R3HDM2: variants seen among roughly 807,000 people sequenced by gnomAD.
The protein encoded by R3HDM2 is R3H domain-containing protein 2.
A neutral mutation model predicts 124.5 loss-of-function variants in R3HDM2; 38 were observed. The observed-to-expected ratio is 0.31, with a 90% CI of 0.24 to 0.40. R3HDM2 has a LOEUF of 0.40. Among genes scored for constraint, R3HDM2 ranks in the 10% least tolerant of loss-of-function variants. The pLI, the probability that R3HDM2 is intolerant of heterozygous loss-of-function variation, is 1.00. For synonymous variants in R3HDM2, 391 were observed against 448.0 expected (o/e 0.87, Z 1.61); for missense variants, 869 against 1,236.9 (o/e 0.70, Z 4.46).
chr12:57,349,379 C>CAGAAAA (rs2060431958), intron 2 of R3HDM2, among the ~76,000 whole-genome samples: 1 of 57,776 alleles, frequency 1.7e-5, no homozygotes, highest in Non-Finnish European at 2.8e-5. Flanking sequence ...ACTCCGTCTC[C>CAGAAAA]AAAAAAAAAA....
chr12:57,390,279 A>T (rs2066467030), intron 2 of R3HDM2, among the ~76,000 whole-genome samples: 1 of 152,216 alleles, frequency 6.6e-6, no homozygotes, highest in Admixed American at 6.5e-5. Flanking sequence ...GGAGATGGGA[A>T]ACAAGTGAGG....
At chr12:57,325,024 C>A (rs972383642) in intron 2 of R3HDM2, among the ~76,000 whole-genome samples, 1 of 152,208 alleles carries the variant, frequency 6.6e-6, no homozygotes, top group Admixed American at 6.5e-5. Flanking sequence ...GAGAAGGTGA[C>A]CATCTGGAAG....
intron 2 of R3HDM2, among the ~76,000 whole-genome samples, chr12:57,387,711 C>T (rs1466072118): frequency 1.3e-5 from 2 of 152,036 alleles, no homozygotes; most frequent in African/African-American, 2.4e-5. Context: ...AATATGAATA[C>T]TGAAGAAGAA....
chr12:57,361,454 G>A (rs2061959676), intron 2 of R3HDM2, among the ~76,000 whole-genome samples: 1 of 151,650 alleles, frequency 6.6e-6, no homozygotes, highest in Middle Eastern at 3.4e-3. Flanking sequence ...GGGAAACTGA[G>A]GCAGGAGGAT....
At chr12:57,299,729 G>C (rs988811124) in intron 5 of R3HDM2, among the ~76,000 whole-genome samples, 1 of 152,192 alleles carries the variant, frequency 6.6e-6, no homozygotes, top group African/African-American at 2.4e-5. Flanking sequence ...TATTGAATGG[G>C]AATGGTTCTA....
At chr12:57,269,278 C>T in intron 16 of R3HDM2, 45 bp downstream of exon 16, 1 of 1,608,034 alleles carries the variant, frequency 6.2e-7, no homozygotes, top group Non-Finnish European at 8.5e-7. Flanking sequence ...TCCTGGTGTG[C>T]CCTTCCCTTA....
intron 1 of R3HDM2, among the ~76,000 whole-genome samples, chr12:57,415,064 C>T (rs928840212): frequency 1.8e-4 from 28 of 151,852 alleles, no homozygotes; most frequent in African/African-American, 6.5e-4. Context: ...TCCCTCAAGC[C>T]CCTTCGAATC....
chr12:57,418,822 C>T (rs1230800177), intron 1 of R3HDM2, among the ~76,000 whole-genome samples: 1 of 152,192 alleles, frequency 6.6e-6, no homozygotes, highest in Non-Finnish European at 1.5e-5. Flanking sequence ...CTTAACCTCC[C>T]AAAGTCCTGG....
At chr12:57,393,837 T>A (rs989216900) in intron 2 of R3HDM2, among the ~76,000 whole-genome samples, 3 of 152,146 alleles carry the variant, frequency 2.0e-5, no homozygotes, top group Non-Finnish European at 4.4e-5. Flanking sequence ...ACACAAGAGA[T>A]CCTTGAGATA....
chr12:57,405,967 G>A (rs1344086084), intron 1 of R3HDM2, among the ~76,000 whole-genome samples: 1 of 152,052 alleles, frequency 6.6e-6, no homozygotes, highest in Non-Finnish European at 1.5e-5. Context: ...AAAGGACATA[G>A]GAGCCAACTT....
intron 2 of R3HDM2, among the ~76,000 whole-genome samples, chr12:57,391,899 A>G (rs565063598): frequency 1.9e-4 from 29 of 152,328 alleles, no homozygotes; most frequent in African/African-American, 7.0e-4. Context: ...CAGTGGCTCA[A>G]GCCTGTAATC....
chr12:57,370,400 G>GGA (rs1336931810), intron 2 of R3HDM2, among the ~76,000 whole-genome samples: 23 of 115,622 alleles, frequency 2.0e-4, no homozygotes, highest in African/African-American at 6.1e-4. Flanking sequence ...GGAGGCCCGG[G>GGA]GGGGGGGGGC....
chr12:57,342,158 C>T (rs2059629280), intron 2 of R3HDM2, among the ~76,000 whole-genome samples: 1 of 152,054 alleles, frequency 6.6e-6, no homozygotes, highest in Non-Finnish European at 1.5e-5. Context: ...AGAAAATTAT[C>T]CAAAACTCAC....
intron 1 of R3HDM2, among the ~76,000 whole-genome samples, chr12:57,417,181 A>G (rs1298040779): frequency 6.6e-6 from 1 of 151,988 alleles, no homozygotes; most frequent in Admixed American, 6.6e-5. Flanking sequence ...AGGTGGGTGG[A>G]TCACCTTAGG....
At chr12:57,339,022 G>A (rs530341555) in intron 2 of R3HDM2, among the ~76,000 whole-genome samples, 2 of 152,180 alleles carry the variant, frequency 1.3e-5, no homozygotes, top group South Asian at 4.1e-4. Flanking sequence ...TTTTACAAAT[G>A]TGTGTGCATG....
Position 57,269,016 on chromosome 12 carries a change from G to A in R3HDM2, c.1781C>T (p.Pro594Leu), listed in dbSNP as rs2043049521. 3.7e-6 allele frequency: 6 copies of A among 1,614,074 alleles called. No homozygotes were observed. Among genetic ancestry groups the A allele is most frequent in the Non-Finnish European group, 5.1e-6 (6 of 1,180,050 alleles). The part of the protein sequence containing the change: ...AYQGMIGVQQ[P>L]QNQGLLSSQR... ...GCTGCTGAGCAGGCCCTGGTTCTGT[G>A]GCTGCTGGACCCCAATCATGCCTTG... is the stretch of plus-strand genomic sequence containing the variant. Residue 594 changes from proline to leucine, a missense_variant, in exon 17 of 24, where the codon CCA (proline) becomes CTA (leucine). This residue lies in a region of R3HDM2 where 602 missense variants were observed against 789.2 expected (regional missense o/e 0.76). Coordinates refer to ENST00000402412, the MANE Select transcript of R3HDM2 (RefSeq NM_001394031.1).
intron 2 of R3HDM2, among the ~76,000 whole-genome samples, chr12:57,352,945 G>GA (rs946375371): frequency 2.0e-5 from 3 of 151,422 alleles, no homozygotes; most frequent in African/African-American, 2.4e-5. Context: ...TATCCACATA[G>GA]AAAAAAAATC....
chr12:57,423,673 G>A lies in R3HDM2; in HGVS notation c.-106+7047C>T, dbSNP rs956225340. 2.0e-5 allele frequency among the ~76,000 whole-genome samples: 3 copies of A among 151,004 alleles called. No individual in the cohort carries two copies. In the East Asian group the frequency reaches 5.9e-4, roughly 30 times the overall value. ...CTAAAAATACAAAAATTAGCCAGAC[G>A]TGGTGGCGGGCACCTGTAATCCCAG... On this transcript the variant is annotated intron_variant, in intron 1 of 23. Transcript: ENST00000402412.
At chr12:57,300,797 G>T (rs2050952650) in intron 4 of R3HDM2, among the ~76,000 whole-genome samples, 1 of 152,142 alleles carries the variant, frequency 6.6e-6, no homozygotes, top group African/African-American at 2.4e-5. Flanking sequence ...TTGGAAAGAA[G>T]TGTCTAAGAA....
Sources: gnomAD v4.1 joint callset for allele counts (sites outside exome capture counted in the v4.1 genomes callset) on GRCh38, gnomAD v4.1.1 for gene constraint, gnomAD v4.1.1 regional missense constraint, MANE v1.5 for transcripts, NCBI Gene and HGNC (gene_info 2026-07-23, HGNC 2026-07-21) for gene names.